Variants in SHISA6 observed in about 807,000 individuals in gnomAD.
SHISA6 encodes shisa family member 6, also known as protein shisa-6.
In SHISA6, 22 loss-of-function variants were observed where a neutral mutation model predicts 47.9. The ratio of observed to expected loss-of-function variants is 0.46; its 90% CI spans 0.33 to 0.66. SHISA6 has a LOEUF of 0.66. Ranked by LOEUF, SHISA6 falls within the 30% of genes least tolerant of loss-of-function variation. The pLI is 0.02. For missense variants in SHISA6, 680 were observed against 764.6 expected (o/e 0.89, Z 1.30); for synonymous variants, 388 against 337.8 (o/e 1.15, Z -1.63).
At chr17:11,388,110 A>T (rs1471406340) in intron 3 of SHISA6, among the ~76,000 whole-genome samples, 1 of 152,132 alleles carries the variant, frequency 6.6e-6, no homozygotes, top group Non-Finnish European at 1.5e-5. Context: ...TGGCAAGGAG[A>T]TGTCTGAGGC....
At chr17:11,339,685 A>C (rs1292795832) in intron 2 of SHISA6, among the ~76,000 whole-genome samples, 1 of 152,200 alleles carries the variant, frequency 6.6e-6, no homozygotes, top group East Asian at 1.9e-4. Context: ...CTTGCAGCAG[A>C]AGTGTGACTA....
intron 3 of SHISA6, among the ~76,000 whole-genome samples, chr17:11,519,873 C>T (rs980749306): frequency 2.0e-5 from 3 of 152,160 alleles, no homozygotes; most frequent in Admixed American, 2.0e-4. Context: ...AGCTGTCCTC[C>T]TGAGATGCTG....
chr17:11,282,304 C>T (rs1227558862), intron 2 of SHISA6, among the ~76,000 whole-genome samples: 1 of 151,890 alleles, frequency 6.6e-6, no homozygotes, highest in East Asian at 1.9e-4. Flanking sequence ...GAGTAGAGTT[C>T]TAGAGGCGAT....
chr17:11,400,588 A>G (rs946732423), intron 3 of SHISA6, among the ~76,000 whole-genome samples: 4 of 152,060 alleles, frequency 2.6e-5, no homozygotes, highest in South Asian at 2.1e-4. Context: ...TCTCTGCTCT[A>G]CCCCTTTGAC....
At chr17:11,253,553 C>T (rs998068500) in intron 1 of SHISA6, among the ~76,000 whole-genome samples, 8 of 152,008 alleles carry the variant, frequency 5.3e-5, no homozygotes, top group African/African-American at 1.7e-4. Context: ...TGCATTGGCC[C>T]GGGAAGCAGT....
At chr17:11,462,407 G>A (rs1388498542) in intron 3 of SHISA6, among the ~76,000 whole-genome samples, 1 of 152,182 alleles carries the variant, frequency 6.6e-6, no homozygotes, top group African/African-American at 2.4e-5. Flanking sequence ...GTAGCCACTA[G>A]TCATGGATCC....
chr17:11,409,703 CAAAAAAA>C (rs35351476), intron 3 of SHISA6, among the ~76,000 whole-genome samples: 4 of 82,170 alleles, frequency 4.9e-5, no homozygotes, highest in South Asian at 3.9e-4. Context: ...GACTCCATCT[CAAAAAAA>C]AAAAAAAAAA....
intron 3 of SHISA6, among the ~76,000 whole-genome samples, chr17:11,430,241 C>T (rs1015822481): frequency 1.3e-5 from 2 of 152,148 alleles, no homozygotes; most frequent in Non-Finnish European, 2.9e-5. Flanking sequence ...ACTCTTGAGT[C>T]CATAGGAGAA....
intron 3 of SHISA6, among the ~76,000 whole-genome samples, chr17:11,536,790 A>G (rs1032863659): frequency 1.2e-4 from 19 of 152,244 alleles, no homozygotes; most frequent in African/African-American, 4.6e-4. Flanking sequence ...TTGTCTTCCC[A>G]TGGGTATGAT....
At chr17:11,479,048 C>A (rs1028248575) in intron 3 of SHISA6, among the ~76,000 whole-genome samples, 2 of 152,068 alleles carry the variant, frequency 1.3e-5, no homozygotes, top group Non-Finnish European at 2.9e-5. Context: ...AGATTCAATG[C>A]CATCCCCAGT....
intron 3 of SHISA6, among the ~76,000 whole-genome samples, chr17:11,503,708 T>C (rs529626560): frequency 6.6e-6 from 1 of 152,352 alleles, no homozygotes; most frequent in East Asian, 1.9e-4. Flanking sequence ...TCGTCAAATG[T>C]AACACAAATG....
At chr17:11,288,764 A>G (rs1439314247) in intron 2 of SHISA6, 2 of 152,138 alleles carry the variant, frequency 1.3e-5, no homozygotes, top group Non-Finnish European at 2.9e-5. Context: ...TTCTAGATCT[A>G]TATTCTTATC....
At chr17:11,400,067 A>G (rs1913712989) in intron 3 of SHISA6, among the ~76,000 whole-genome samples, 1 of 152,080 alleles carries the variant, frequency 6.6e-6, no homozygotes, top group Non-Finnish European at 1.5e-5. Context: ...GTTTCCTTCC[A>G]TCACTCCACA....
chr17:11,544,559 C>T (rs770264055), intron 3 of SHISA6, among the ~76,000 whole-genome samples: 30 of 152,174 alleles, frequency 2.0e-4, no homozygotes, highest in African/African-American at 6.3e-4. Context: ...ATAGTGACAA[C>T]GCCAAATACT....
intron 3 of SHISA6, among the ~76,000 whole-genome samples, chr17:11,417,482 C>G (rs570097911): frequency 1.3e-5 from 2 of 152,270 alleles, no homozygotes; most frequent in Non-Finnish European, 2.9e-5. Context: ...GTGGCCTCAC[C>G]CTGGGGTTCT....
intron 3 of SHISA6, among the ~76,000 whole-genome samples, chr17:11,450,185 C>G (rs1056326428): frequency 2.0e-5 from 3 of 152,112 alleles, no homozygotes; most frequent in Admixed American, 6.5e-5. Flanking sequence ...CATGCCCAGC[C>G]GGATCTCTTC....
At chr17:11,498,709 G>C (rs74342093) in intron 3 of SHISA6, among the ~76,000 whole-genome samples, 1 of 152,082 alleles carries the variant, frequency 6.6e-6, no homozygotes, top group East Asian at 1.9e-4. Flanking sequence ...AGAAGGGGGC[G>C]GATAGGAGGA....
chr17:11,523,741 C>T (rs768281170), intron 3 of SHISA6, among the ~76,000 whole-genome samples: 10 of 152,188 alleles, frequency 6.6e-5, no homozygotes, highest in African/African-American at 2.4e-4. Flanking sequence ...CGCAGTGACT[C>T]ATGCCTGTAA....
At chr17:11,443,461 T>C (rs927478982) in intron 3 of SHISA6, among the ~76,000 whole-genome samples, 1 of 152,202 alleles carries the variant, frequency 6.6e-6, no homozygotes, top group Non-Finnish European at 1.5e-5. Flanking sequence ...AAGGGAGTTA[T>C]CTATTTTGCC....
Sources: gnomAD v4.1 joint callset for allele counts (sites outside exome capture counted in the v4.1 genomes callset) on GRCh38, gnomAD v4.1.1 for gene constraint, MANE v1.5 for transcripts, NCBI Gene and HGNC (gene_info 2026-07-23, HGNC 2026-07-21) for gene names.